NLRX1: variants seen among roughly 807,000 people sequenced by gnomAD.
NLRX1 encodes the protein NLR family member X1.
Under a neutral mutation model 74.2 loss-of-function variants are expected in NLRX1, and 67 were observed. The ratio of observed to expected loss-of-function variants is 0.90; its 90% CI spans 0.74 to 1.11. NLRX1 has a LOEUF of 1.11. NLRX1 is among the 50% of genes least tolerant of loss of function. NLRX1 has a pLI of 0.00. For missense variants in NLRX1, 1,191 were observed against 1,305.4 expected (o/e 0.91, Z 1.35); for synonymous variants, 506 against 559.1 (o/e 0.91, Z 1.34).
Position 119,173,677 on chromosome 11 carries a change from C to T in NLRX1, c.428C>T (p.Pro143Leu), listed in dbSNP as rs752862025. Reference protein sequence around the residue: ...EHQPPQAGLPPLALSQLFNPD... With the variant: ...EHQPPQAGLPLLALSQLFNPD... ...CAGCCACCCCAGGCCGGGCTCCCCCCACTGGCCTTGTCTCAGCTCTTTAAC... is the reference window on the plus strand; with the variant it reads ...CAGCCACCCCAGGCCGGGCTCCCCCTACTGGCCTTGTCTCAGCTCTTTAAC... Residue 143 changes from proline (P) to leucine (L), a missense_variant, in exon 5 of 10, where the codon CCA becomes CTA. Transcript: ENST00000409109. This position sits in a 1 kb window ranked among gnomAD's most constrained non-coding sequence, Gnocchi z 4.0. 1.1e-5 allele frequency: 17 copies of T among 1,614,000 alleles called. No individual in the cohort carries two copies. In the South Asian group the frequency reaches 1.5e-4, roughly 15 times the overall value.
At position 119,173,408 on chromosome 11, in the gene NLRX1, C is replaced by T. The variant is rs375267123; in HGVS notation, c.230-71C>T. 128 of 1,528,122 alleles carry T rather than the reference C, an allele frequency of 8.4e-5. No individual in the cohort carries two copies. The East Asian group carries it at 1.7e-3, about 21-fold the overall frequency. 94.7% of individuals were successfully genotyped at this position (1,528,122 alleles called of 1,614,324 possible). ...TGATGTCCCAGCCTGACCTCACCACCGCCCTGATTGGCCCTAAGCTACATC... is the reference window on the plus strand; with the variant it reads ...TGATGTCCCAGCCTGACCTCACCACTGCCCTGATTGGCCCTAAGCTACATC... On this transcript the variant is annotated intron_variant, in intron 4 of 9. Transcript: ENST00000409109. This position sits in a 1 kb window ranked among gnomAD's most constrained non-coding sequence, Gnocchi z 4.0.
intron 3 of NLRX1, 49 bp from the exon 4 acceptor site, chr11:119,172,852 G>T: frequency 7.2e-7 from 1 of 1,385,046 alleles, no homozygotes; most frequent in Non-Finnish European, 1.0e-6. Context: ...CCTGTGAAGG[G>T]GCTGATCCAA....
Position 119,183,125 on chromosome 11 carries a change from T to G in NLRX1, c.2614T>G (p.Phe872Val). 1 of 1,613,880 alleles carries G rather than the reference T, an allele frequency of 6.2e-7. No individual in the cohort carries two copies. The highest frequency in any genetic ancestry group is 8.5e-7 in the Non-Finnish European group (1 of 1,179,912). The change falls in exon 10 of 10, where the codon TTC becomes GTC. Residue 872 changes from phenylalanine (F) to valine (V), a missense_variant. Phe to Val is a conservative substitution (Grantham distance 50). Transcript: ENST00000409109. This position sits in a 1 kb window ranked among gnomAD's most constrained non-coding sequence, Gnocchi z 5.7. ...HPSLELLHLY[F>V]NELSSEGRQV... ...CTTTCTCTCTCCTGCCAGCCTCTAC[T>G]TCAATGAGCTGAGCTCAGAGGGCCG... is the stretch of plus-strand genomic sequence containing the variant.
In NLRX1 at chr11:119,183,164, G is replaced by C. The variant is rs139959062; in HGVS notation, c.2653G>C (p.Asp885His). ...CTCAGAGGGCCGCCAGGTCTTGCGA[G>C]ACTTGGGGGGTGCTGCTGAAGGTGG... is the stretch of plus-strand genomic sequence containing the variant. ...LSSEGRQVLRDLGGAAEGGAR... is the reference protein window; with the variant it reads ...LSSEGRQVLRHLGGAAEGGAR... Residue 885 changes from aspartate (D) to histidine (H), a missense_variant, in exon 10 of 10, where the codon GAC (aspartate) becomes CAC (histidine). Asp to His is a moderately conservative substitution (Grantham distance 81). Transcript: ENST00000409109. The surrounding 1 kb of genome is among the most constrained non-coding windows in gnomAD (Gnocchi z 5.7). The C allele has an allele frequency of 6.2e-7, 1 of 1,614,208 alleles. No individual in the cohort carries two copies. The highest frequency in any genetic ancestry group is 1.1e-5 in the South Asian group (1 of 91,088).
intron 2 of NLRX1, 129 bp downstream of exon 2, chr11:119,171,602 G>A: frequency 1.6e-6 from 1 of 630,046 alleles, no homozygotes; most frequent in Non-Finnish European, 2.7e-6. Context: ...TCTAGCTGTT[G>A]ACCTTGAGCA....
rs749769992 is a variant in NLRX1 at position 119,179,901 on chromosome 11, T to TG, written c.1887dup (p.Leu630AlafsTer48). The TG allele has an allele frequency of 2.3e-5, 37 of 1,611,624 alleles. No individual in the cohort carries two copies. Among genetic ancestry groups the TG allele is most frequent in the Middle Eastern group, 1.6e-4 (1 of 6,076 alleles). On this transcript the variant is annotated frameshift_variant, in exon 7 of 10. Coordinates refer to ENST00000409109, the MANE Select transcript of NLRX1 (RefSeq NM_001282144.2). LOFTEE classifies it high-confidence loss of function. ...GTCTTCGAGCTCTTCCCCATGTTCATGGGGGGGCTTCTCTCTGCCCACAAC... is the reference window on the plus strand; with the variant it reads ...GTCTTCGAGCTCTTCCCCATGTTCATGGGGGGGGCTTCTCTCTGCCCACAAC...
At chr11:119,177,284 G>A (rs1219657076) in intron 6 of NLRX1, among the ~76,000 whole-genome samples, 5 of 150,202 alleles carry the variant, frequency 3.3e-5, no homozygotes, top group Non-Finnish European at 5.9e-5. Flanking sequence ...GTTTCTCCAT[G>A]TTGGCCAGAC....
At position 119,180,933 on chromosome 11, in the gene NLRX1, C is replaced by T. The variant is rs143361554; in HGVS notation, c.2268-238C>T. Among the ~76,000 whole-genome samples, 43 of 151,360 alleles carry T rather than the reference C, an allele frequency of 2.8e-4. No individual in the cohort carries two copies. In the East Asian group the frequency reaches 7.8e-3, roughly 28 times the overall value. ...GCATGTAGCTATCATCCCAGCTACTCGGGAGGCTGAGGTGGGAGGATTGCT... is the reference window on the plus strand; with the variant it reads ...GCATGTAGCTATCATCCCAGCTACTTGGGAGGCTGAGGTGGGAGGATTGCT... On this transcript the variant is annotated intron_variant, in intron 7 of 9. Transcript: ENST00000409109.
intron 6 of NLRX1, among the ~76,000 whole-genome samples, chr11:119,178,654 T>C (rs1314110728): frequency 1.3e-5 from 2 of 150,758 alleles, no homozygotes; most frequent in Non-Finnish European, 2.9e-5. Context: ...AAGGAAGAAG[T>C]TGGGGGAGGG....
rs1366223968 is a variant in NLRX1 at position 119,183,719 on chromosome 11, C to T, written c.*280C>T. 2.6e-6 allele frequency: 2 copies of T among 772,564 alleles called. No individual in the cohort carries two copies. Among genetic ancestry groups the T allele is most frequent in the Non-Finnish European group, 4.8e-6 (2 of 416,736 alleles). The allele number at this position is 772,564 out of a possible 1,614,324, so 47.9% of individuals were successfully genotyped here. ...CCAAAGCATGTGGCATTTGGATGGC[C>T]AGAGTGCCCTGAAGCACCACTACCA... On this transcript the variant is annotated 3_prime_UTR_variant, in exon 10 of 10. Transcript: ENST00000409109. The surrounding 1 kb of genome is among the most constrained non-coding windows in gnomAD (Gnocchi z 5.7).
rs1417670595 is a variant in NLRX1, at chr11:119,175,103, C to G, written c.1500C>G (p.Tyr500Ter). ...FVFTVPAMQE[Y>*]LAALYIVLGL... ...TCACCGTGCCCGCCATGCAGGAATA[C>G]CTGGCTGCCCTCTACATTGTGCTGG... Residue 500 changes from tyrosine (Y) to a stop codon, truncating the protein, a stop_gained, in exon 6 of 10, where the codon TAC becomes TAG. Transcript: ENST00000409109. LOFTEE classifies it high-confidence loss of function. 6.2e-7 allele frequency: 1 copy of G among 1,614,192 alleles called. No homozygotes were observed. The highest frequency in any genetic ancestry group is 8.5e-7 in the Non-Finnish European group (1 of 1,180,036).
Position 119,183,543 on chromosome 11 carries a change from C to A in NLRX1, c.*104C>A. The A allele has an allele frequency of 8.4e-7, 1 of 1,187,840 alleles. No individual in the cohort carries two copies. Among genetic ancestry groups the A allele is most frequent in the Non-Finnish European group, 1.2e-6 (1 of 833,148 alleles). 73.6% of individuals were successfully genotyped at this position (1,187,840 alleles called of 1,614,324 possible). A position where few individuals can be genotyped will look rare whatever the true frequency, so the allele number is the denominator to read the frequency against. The stretch of plus-strand genomic sequence containing the variant: ...TCCCTCTAGAAAGATTCCTTCAGGT[C>A]TGGAGGCAGAGGAATGGGCATAGCT... On this transcript the variant is annotated 3_prime_UTR_variant, in exon 10 of 10. Transcript: ENST00000409109. This position sits in a 1 kb window ranked among gnomAD's most constrained non-coding sequence, Gnocchi z 5.7.
In NLRX1 at chr11:119,183,971, A is replaced by G; in HGVS notation, c.*532A>G. 1 of 769,674 alleles carries G rather than the reference A, an allele frequency of 1.3e-6. No homozygotes were observed. Among genetic ancestry groups the G allele is most frequent in the Non-Finnish European group, 2.4e-6 (1 of 410,532 alleles). 47.7% of individuals were successfully genotyped at this position (769,674 alleles called of 1,614,324 possible). On this transcript the variant is annotated 3_prime_UTR_variant, in exon 10 of 10. Coordinates refer to ENST00000409109, the MANE Select transcript of NLRX1 (RefSeq NM_001282144.2). The surrounding 1 kb of genome is among the most constrained non-coding windows in gnomAD (Gnocchi z 5.7). Reference sequence around the variant, plus strand: ...ATGGCTTGGTAGCCCCTCGAGGCAGATGCACCTGACTTGCTGCTATTAAAA... The same window carrying G: ...ATGGCTTGGTAGCCCCTCGAGGCAGGTGCACCTGACTTGCTGCTATTAAAA...
chr11:119,173,678 A>T lies in NLRX1; in HGVS notation c.429A>T (p.Pro143=). The change falls in exon 5 of 10, where the codon CCA becomes CCT. Residue 143 remains proline (P), a synonymous_variant. Transcript: ENST00000409109. The surrounding 1 kb of genome is among the most constrained non-coding windows in gnomAD (Gnocchi z 4.0). ...EHQPPQAGLP[P]LALSQLFNPD... ...AGCCACCCCAGGCCGGGCTCCCCCC[A>T]CTGGCCTTGTCTCAGCTCTTTAACC... 6.2e-7 allele frequency: 1 copy of T among 1,613,998 alleles called. No individual in the cohort carries two copies. The highest frequency in any genetic ancestry group is 8.5e-7 in the Non-Finnish European group (1 of 1,179,992).
rs753961520 is a variant in NLRX1 at position 119,183,174 on chromosome 11, G to T, written c.2663G>T (p.Gly888Val). 1.2e-6 allele frequency: 2 copies of T among 1,614,234 alleles called. No homozygotes were observed. The highest frequency in any genetic ancestry group is 1.7e-5 in the Admixed American group (1 of 60,028). Residue 888 changes from glycine (G) to valine (V), a missense_variant, in exon 10 of 10, where the codon GGT becomes GTT. Physicochemically the swap from Gly to Val is moderately radical, Grantham distance 109. Transcript: ENST00000409109. The surrounding 1 kb of genome is among the most constrained non-coding windows in gnomAD (Gnocchi z 5.7). ...EGRQVLRDLG[G>V]AAEGGARVVV... is the part of the protein sequence containing the mutation. ...CGCCAGGTCTTGCGAGACTTGGGGGGTGCTGCTGAAGGTGGTGCCCGGGTG... is the reference window on the plus strand; with the variant it reads ...CGCCAGGTCTTGCGAGACTTGGGGGTTGCTGCTGAAGGTGGTGCCCGGGTG...
At position 119,183,078 on chromosome 11, in the gene NLRX1, G is replaced by A. The variant is rs1327687069; in HGVS notation, c.2607-40G>A. ...ATCTACCCTCGGGCCCTCCTTCTCA[G>A]AGCTCTACTGAATGGCATCGACTTT... is the stretch of plus-strand genomic sequence containing the variant. On this transcript the variant is annotated intron_variant, in intron 9 of 9. Transcript: ENST00000409109. The surrounding 1 kb of genome is among the most constrained non-coding windows in gnomAD (Gnocchi z 5.7). 1 of 1,584,082 alleles carries A rather than the reference G, an allele frequency of 6.3e-7. No homozygotes were observed. The highest frequency in any genetic ancestry group is 2.3e-5 in the East Asian group (1 of 44,384).
Position 119,179,653 on chromosome 11 carries a change from C to T in NLRX1, c.1672-40C>T, listed in dbSNP as rs766279647. Reference sequence around the variant, plus strand: ...CTGAACCTTGAAGGCTGAACAGGCACATGGAAGGCCACAGTGACTCTCCCC... The same window carrying T: ...CTGAACCTTGAAGGCTGAACAGGCATATGGAAGGCCACAGTGACTCTCCCC... On this transcript the variant is annotated intron_variant, in intron 6 of 9. Transcript: ENST00000409109. 5 of 1,539,020 alleles carry T rather than the reference C, an allele frequency of 3.2e-6. No individual in the cohort carries two copies. In the Admixed American group the frequency reaches 9.3e-5, roughly 29 times the overall value.
At chr11:119,181,649 C>A (rs1015630184) in intron 8 of NLRX1, among the ~76,000 whole-genome samples, 1 of 152,142 alleles carries the variant, frequency 6.6e-6, no homozygotes. Flanking sequence ...ATGTGGGGAA[C>A]CTGAGCTCCT....
chr11:119,172,493 C>T, intron 3 of NLRX1, 68 bp downstream of exon 3: 1 of 1,219,732 alleles, frequency 8.2e-7, no homozygotes, highest in Non-Finnish European at 1.2e-6. Context: ...AGGGTCAGGA[C>T]TTGGGGCTAG....
Sources: allele counts gnomAD v4.1 joint callset (sites outside exome capture counted in the v4.1 genomes callset), GRCh38; gene constraint gnomAD v4.1.1; non-coding constraint Gnocchi (gnomAD v3.1); transcripts MANE v1.5; gene names NCBI Gene and HGNC (gene_info 2026-07-23, HGNC 2026-07-21).